Variants in FCHO2 observed in about 807,000 individuals in gnomAD.
FCHO2 encodes F-BAR domain only protein 2.
A neutral mutation model predicts 114.1 loss-of-function variants in FCHO2; 43 were observed. The ratio of observed to expected loss-of-function variants is 0.38; its 90% CI spans 0.30 to 0.49. The LOEUF (loss-of-function observed/expected upper bound fraction) is 0.49. FCHO2 is among the 20% of genes least tolerant of loss of function. The probability of loss-of-function intolerance (pLI) is 0.97; values close to 1 mark genes in which losing one functional copy is unlikely to be tolerated. For synonymous variants in FCHO2, 293 were observed against 315.2 expected (o/e 0.93, Z 0.75); for missense variants, 807 against 950.4 (o/e 0.85, Z 1.98).
chr5:73,033,260 A>G (rs1431056370), intron 8 of FCHO2, among the ~76,000 whole-genome samples: 3 of 152,148 alleles, frequency 2.0e-5, no homozygotes, highest in Non-Finnish European at 4.4e-5. Flanking sequence ...AGTAAGGAAC[A>G]TACTAATAAT....
rs182885176 is a variant in FCHO2, at chr5:73,058,617, C to G, written c.1345+93C>G. 1.4e-3 allele frequency: 758 copies of G among 525,492 alleles called. 4 individuals are homozygous for G. Among genetic ancestry groups the G allele is most frequent in the South Asian group, 0.01 (188 of 17,930 alleles). 32.6% of individuals were successfully genotyped at this position (525,492 alleles called of 1,614,324 possible). ...CTTTTTGTGCATTGTACTTAATGAT[C>G]AAAATTTCTAAAAATTTGTCCTCTG... On this transcript the variant is annotated intron_variant, in intron 17 of 25. Transcript: ENST00000430046.
At chr5:73,029,971 T>C (rs1209697568) in intron 8 of FCHO2, among the ~76,000 whole-genome samples, 1 of 152,042 alleles carries the variant, frequency 6.6e-6, no homozygotes, top group Non-Finnish European at 1.5e-5. Flanking sequence ...ACAAGAATTA[T>C]TTTTGGACAT....
intron 19 of FCHO2, among the ~76,000 whole-genome samples, chr5:73,073,087 A>G (rs1439019983): frequency 6.6e-6 from 1 of 152,038 alleles, no homozygotes; most frequent in Non-Finnish European, 1.5e-5. Flanking sequence ...TTATATTTAT[A>G]ATCAGTAAAT....
At chr5:73,068,229 T>G (rs900192459) in intron 18 of FCHO2, among the ~76,000 whole-genome samples, 1 of 152,094 alleles carries the variant, frequency 6.6e-6, no homozygotes, top group African/African-American at 2.4e-5. Context: ...GAAAAAATTT[T>G]TAATCCCTTT....
intron 17 of FCHO2, among the ~76,000 whole-genome samples, chr5:73,063,211 T>C (rs936064056): frequency 6.6e-6 from 1 of 152,074 alleles, no homozygotes; most frequent in African/African-American, 2.4e-5. Context: ...CAAATGGCAT[T>C]GAAAAACTCA....
At chr5:73,082,218 C>T (rs1288556176) in intron 23 of FCHO2, among the ~76,000 whole-genome samples, 1 of 150,900 alleles carries the variant, frequency 6.6e-6, no homozygotes, top group Non-Finnish European at 1.5e-5. Context: ...TGATTCCATA[C>T]TAACTTTACC....
chr5:72,979,633 C>T (rs1354065752), intron 2 of FCHO2, among the ~76,000 whole-genome samples: 49 of 151,614 alleles, frequency 3.2e-4, no homozygotes, highest in Non-Finnish European at 5.9e-4. Context: ...CCTCGTGATC[C>T]GCCCGCCTCG....
chr5:73,060,550 TAA>T (rs1381680443), intron 17 of FCHO2, among the ~76,000 whole-genome samples: 3 of 152,030 alleles, frequency 2.0e-5, no homozygotes, highest in Non-Finnish European at 4.4e-5. Context: ...CAACCAGTCT[TAA>T]ACTTTGTCCC....
At chr5:73,033,211 AT>A (rs1010982665) in intron 8 of FCHO2, among the ~76,000 whole-genome samples, 1 of 151,844 alleles carries the variant, frequency 6.6e-6, no homozygotes, top group Non-Finnish European at 1.5e-5. Flanking sequence ...AGTGATAAAC[AT>A]TTTTTTTAGT....
At chr5:73,028,280 A>G (rs1756047286) in intron 8 of FCHO2, among the ~76,000 whole-genome samples, 1 of 152,222 alleles carries the variant, frequency 6.6e-6, no homozygotes, top group Admixed American at 6.5e-5. Flanking sequence ...TGGTGAAAAT[A>G]TAAAATGGTG....
chr5:73,025,692 T>A (rs1400539496), intron 8 of FCHO2, among the ~76,000 whole-genome samples: 1 of 152,168 alleles, frequency 6.6e-6, no homozygotes, highest in Non-Finnish European at 1.5e-5. Flanking sequence ...TTTGTATGTT[T>A]TTGATCAGTT....
intron 8 of FCHO2, 31 bp from the exon 9 acceptor site, chr5:73,034,626 A>T (rs753666515): frequency 6.4e-7 from 1 of 1,558,552 alleles, no homozygotes; most frequent in East Asian, 2.3e-5. Flanking sequence ...GTTTTTTTCT[A>T]CTAGAAGTTT....
chr5:73,056,013 A>G, intron 15 of FCHO2, 52 bp from the exon 16 acceptor site: 4 of 1,255,274 alleles, frequency 3.2e-6, no homozygotes, highest in Non-Finnish European at 4.4e-6. Flanking sequence ...TTTTCATTAA[A>G]ATATTTTATT....
At chr5:73,011,632 T>C (rs1467988205) in intron 6 of FCHO2, among the ~76,000 whole-genome samples, 1 of 152,112 alleles carries the variant, frequency 6.6e-6, no homozygotes, top group Non-Finnish European at 1.5e-5. Context: ...CATCTCTGGC[T>C]GGACTTGGTG....
intron 11 of FCHO2, 158 bp from the exon 12 acceptor site, chr5:73,051,191 A>G: frequency 1.9e-6 from 1 of 520,622 alleles, no homozygotes; most frequent in Non-Finnish European, 3.4e-6. Context: ...TAATTAACTA[A>G]AAAGGTGTAA....
At chr5:73,051,122 T>G (rs1220884394) in intron 11 of FCHO2, 9 of 382,066 alleles carry the variant, frequency 2.4e-5, no homozygotes, top group Non-Finnish European at 4.1e-5. Context: ...GTTTCTCCTG[T>G]TTCATTTTGC....
chr5:73,063,815 C>A, intron 17 of FCHO2, 26 bp from the exon 18 acceptor site: 11 of 1,590,510 alleles, frequency 6.9e-6, no homozygotes, highest in Non-Finnish European at 9.5e-6. Context: ...TGATTTTCTT[C>A]AAATTCTCTT....
chr5:72,993,624 T>A (rs940362678), intron 5 of FCHO2, among the ~76,000 whole-genome samples: 1 of 152,192 alleles, frequency 6.6e-6, no homozygotes, highest in Non-Finnish European at 1.5e-5. Flanking sequence ...TATTGTATAG[T>A]CATGGTTGGT....
chr5:73,012,953 A>G (rs1425822787), intron 6 of FCHO2, among the ~76,000 whole-genome samples: 2 of 152,180 alleles, frequency 1.3e-5, no homozygotes, highest in Non-Finnish European at 2.9e-5. Flanking sequence ...GCTTTTTCAA[A>G]AGGGAATGAA....
Sources: allele counts gnomAD v4.1 joint callset (sites outside exome capture counted in the v4.1 genomes callset), GRCh38; gene constraint gnomAD v4.1.1; transcripts MANE v1.5; gene names NCBI Gene and HGNC (gene_info 2026-07-23, HGNC 2026-07-21).